The following CLUAP1 variants were observed in gnomAD, a reference collection of about 807,000 sequenced individuals.
CLUAP1 encodes clusterin-associated protein 1.
Under a neutral mutation model 55.0 loss-of-function variants are expected in CLUAP1, and 50 were observed. The ratio of observed to expected loss-of-function variants is 0.91; its 90% CI spans 0.72 to 1.15. The LOEUF is 1.15. CLUAP1 is among the 50% of genes most tolerant of loss of function. The pLI is 0.00. For missense variants in CLUAP1, 530 were observed against 507.6 expected (o/e 1.04, Z -0.42); for synonymous variants, 195 against 175.4 (o/e 1.11, Z -0.88).
rs572562924 is a variant in CLUAP1 at position 3,532,004 on chromosome 16, A to C, written c.1037-782A>C. Among the ~76,000 whole-genome samples the C allele has an allele frequency of 2.0e-3, 307 of 152,006 alleles. 4 individuals are homozygous for C. The highest frequency in any genetic ancestry group is 6.7e-3 in the African/African-American group (276 of 41,460). ...CAGGCCCGTGCCACCACACCCAGCT[A>C]ATTTTTGTATTTTTAGTAGAGACGG... On this transcript the variant is annotated intron_variant, in intron 10 of 11. Coordinates refer to ENST00000576634, the MANE Select transcript of CLUAP1 (RefSeq NM_015041.3).
chr16:3,497,312 C>G (rs1435583026), upstream of CLUAP1, among the ~76,000 whole-genome samples: 3 of 151,800 alleles, frequency 2.0e-5, no homozygotes, highest in East Asian at 1.9e-4. Context: ...AATTGTATTT[C>G]TAGATACTAG....
At chr16:3,527,709 C>A (rs1016064228) in intron 9 of CLUAP1, among the ~76,000 whole-genome samples, 2 of 152,118 alleles carry the variant, frequency 1.3e-5, no homozygotes, top group Admixed American at 1.3e-4. Flanking sequence ...GTCCTGTACA[C>A]CTGGCTCTGC....
intron 7 of CLUAP1, among the ~76,000 whole-genome samples, chr16:3,522,570 G>T (rs974585281): frequency 6.6e-6 from 1 of 152,026 alleles, no homozygotes; most frequent in Non-Finnish European, 1.5e-5. Context: ...GGGTCTCAAT[G>T]TGTCACCCAG....
At chr16:3,512,085 C>G in intron 4 of CLUAP1, among the ~76,000 whole-genome samples, 1 of 151,538 alleles carries the variant, frequency 6.6e-6, no homozygotes, top group Non-Finnish European at 1.5e-5. Flanking sequence ...ACTTGGGAGG[C>G]TGAGGCAGGA....
At chr16:3,496,461 T>G, upstream of CLUAP1, 4 of 897,636 alleles carry the variant, frequency 4.5e-6, no homozygotes, top group Non-Finnish European at 6.9e-6. Flanking sequence ...GTGGGGACGC[T>G]TAACGGATGA....
At position 3,520,007 on chromosome 16, in the gene CLUAP1, G is replaced by C; in HGVS notation, c.684G>C (p.Arg228=). Residue 228 remains arginine, a synonymous_variant, in exon 7 of 12, where the codon CGG becomes CGC. Coordinates refer to ENST00000576634, the MANE Select transcript of CLUAP1 (RefSeq NM_015041.3). The part of the protein sequence containing the change: ...EKRKLELERN[R]KRLETLQSVR... Reference sequence around the variant, plus strand: ...GAAAATTAGAACTGGAAAGAAATCGGAAGCGACTAGAGACTCTGCAGAGTG... The same window carrying C: ...GAAAATTAGAACTGGAAAGAAATCGCAAGCGACTAGAGACTCTGCAGAGTG... The C allele has an allele frequency of 6.2e-7, 1 of 1,613,296 alleles. No individual in the cohort carries two copies. The highest frequency in any genetic ancestry group is 8.5e-7 in the Non-Finnish European group (1 of 1,179,776).
At chr16:3,507,627 C>T (rs987158482) in intron 3 of CLUAP1, among the ~76,000 whole-genome samples, 1 of 151,338 alleles carries the variant, frequency 6.6e-6, no homozygotes, top group Non-Finnish European at 1.5e-5. Context: ...ACCCTATCTG[C>T]CCTGGGCCAA....
intron 6 of CLUAP1, among the ~76,000 whole-genome samples, chr16:3,517,031 T>C (rs1461514480): frequency 1.3e-5 from 2 of 152,182 alleles, no homozygotes; most frequent in African/African-American, 4.8e-5. Flanking sequence ...ACCATGAGTT[T>C]TCACTGGCAT....
chr16:3,534,290 G>A (rs762626898), intron 11 of CLUAP1: 73 of 152,742 alleles, frequency 4.8e-4, no homozygotes, highest in Non-Finnish European at 9.4e-4. Context: ...GGCCCCTGAC[G>A]TGGTGGTGTT....
At chr16:3,529,441 A>ATATAT (rs2038014156) in intron 9 of CLUAP1, among the ~76,000 whole-genome samples, 1 of 68,278 alleles carries the variant, frequency 1.5e-5, no homozygotes, top group Non-Finnish European at 2.6e-5. Context: ...AATATATATT[A>ATATAT]TATTATATAT....
intron 6 of CLUAP1, 71 bp downstream of exon 6, chr16:3,515,662 CAAGACAGAA>C (rs2037716770): frequency 9.8e-7 from 1 of 1,022,430 alleles, no homozygotes; most frequent in South Asian, 1.6e-5. Flanking sequence ...CTTGCCCATA[CAAGACAGAA>C]CAAGCTAGGC....
chr16:3,501,223 G>A (rs2037392809), intron 1 of CLUAP1, 134 bp downstream of exon 1: 3 of 873,910 alleles, frequency 3.4e-6, no homozygotes, highest in Non-Finnish European at 5.2e-6. Flanking sequence ...GCGCCTCAGG[G>A]ACCGCCTGAC....
chr16:3,529,615 AATATTAT>A (rs1460243392), intron 9 of CLUAP1, among the ~76,000 whole-genome samples: 31 of 26,052 alleles, frequency 1.2e-3, no homozygotes, highest in African/African-American at 4.3e-3. Context: ...TATATTATAT[AATATTAT>A]ATATTATATA....
intron 9 of CLUAP1, among the ~76,000 whole-genome samples, chr16:3,527,123 G>A (rs56663973): frequency 0.035 from 5,251 of 152,188 alleles, 282 homozygotes; most frequent in African/African-American, 0.11. Flanking sequence ...GCGGCAAGCC[G>A]CCCAGGTGCC....
At position 3,537,998 on chromosome 16, in the gene CLUAP1, C is replaced by CAAAAAAAAA. The variant is rs34360832; in HGVS notation, c.*1741_*1749dup. 2.7e-5 allele frequency: 1 copy of CAAAAAAAAA among 36,714 alleles called. No individual in the cohort carries two copies. The allele number at this position is 36,714 out of a possible 1,614,324, so 2.3% of individuals were successfully genotyped here. ...TGGGCAGCAGAGTGAGACTCCATCT[C>CAAAAAAAAA]AAAAAAAAAAAAAAAAAAAAAAGCA... On this transcript the variant is annotated 3_prime_UTR_variant, in exon 12 of 12. Transcript: ENST00000576634.
At chr16:3,495,514 C>T in the CLUAP1 span, 3 of 1,550,322 alleles carry the variant, frequency 1.9e-6, no homozygotes, top group Middle Eastern at 3.5e-4. Flanking sequence ...CAGGTCTCCC[C>T]TGGCAACTGG....
At chr16:3,508,157 T>C (rs2037545326) in intron 3 of CLUAP1, 132 bp from the exon 4 acceptor site, 2 of 726,646 alleles carry the variant, frequency 2.8e-6, no homozygotes, top group Non-Finnish European at 4.5e-6. Context: ...TTTGAGTCAC[T>C]TGAATGCTTT....
chr16:3,513,489 G>T (rs758649289), intron 5 of CLUAP1, among the ~76,000 whole-genome samples: 7 of 151,678 alleles, frequency 4.6e-5, no homozygotes, highest in Non-Finnish European at 1.0e-4. Flanking sequence ...TCACTCTGTT[G>T]CCCAGGCTGG....
In CLUAP1 at chr16:3,508,473, G is replaced by T. The variant is rs2151045050; in HGVS notation, c.399+5G>T. On this transcript the variant is annotated splice_donor_5th_base_variant and intron_variant, in intron 4 of 11. Coordinates refer to ENST00000576634, the MANE Select transcript of CLUAP1 (RefSeq NM_015041.3). ...AAGTTTGATCTTGGCTCAAAGGTAA[G>T]GACAACAAAAGCCTTGTAGTGGGCG... 6.4e-7 allele frequency: 1 copy of T among 1,563,464 alleles called. No individual in the cohort carries two copies. The highest frequency in any genetic ancestry group is 8.6e-7 in the Non-Finnish European group (1 of 1,164,010).
Sources: gnomAD v4.1 joint callset for allele counts (sites outside exome capture counted in the v4.1 genomes callset) on GRCh38, gnomAD v4.1.1 for gene constraint, MANE v1.5 for transcripts, NCBI Gene and HGNC (gene_info 2026-07-23, HGNC 2026-07-21) for gene names.